CDAN1: variants seen among roughly 807,000 people sequenced by gnomAD.
CDAN1 encodes codanin-1.
Under a neutral mutation model 139.8 loss-of-function variants are expected in CDAN1, and 107 were observed. The ratio of observed to expected loss-of-function variants is 0.77; its 90% confidence interval spans 0.65 to 0.90. The LOEUF (loss-of-function observed/expected upper bound fraction) is 0.90. Ranked by LOEUF, CDAN1 falls within the 40% of genes least tolerant of loss-of-function variation. CDAN1 has a pLI of 0.00. For synonymous variants in CDAN1, 776 were observed against 660.6 expected (o/e 1.17, Z -2.68); for missense variants, 1,667 against 1,575.7 (o/e 1.06, Z -0.98).
chr15:42,730,201 G>T lies in CDAN1; in HGVS notation c.2189C>A (p.Ser730Ter). ...ACACATCTTCCCCTCACTCTCCTGC[G>T]ACAACACCAAGCTCCTGAAACATCA... ...LLRLHRSLVLSQESEGKMCFL... is the reference protein window; with the variant it reads ...LLRLHRSLVL Residue 730 changes from serine (S) to a stop codon, truncating the protein, a stop_gained, in exon 15 of 28, where the codon TCG (serine) becomes TAG (stop). Coordinates refer to ENST00000356231, the MANE Select transcript of CDAN1 (RefSeq NM_138477.4). LOFTEE classifies it high-confidence loss of function. The T allele has an allele frequency of 8.7e-6, 14 of 1,614,056 alleles. No individual in the cohort carries two copies. Among genetic ancestry groups the T allele is most frequent in the Non-Finnish European group, 1.2e-5 (14 of 1,179,970 alleles).
rs1210569517 is a variant in CDAN1, at chr15:42,728,208, G to A, written c.2864C>T (p.Ala955Val). The change falls in exon 21 of 28, where the codon GCA (alanine) becomes GTA (valine). Residue 955 changes from alanine to valine, a missense_variant. Ala to Val is a moderately conservative substitution (Grantham distance 64). Around this residue, in one of 3 missense-constraint regions of CDAN1, gnomAD observed 936 missense variants for 844.1 expected, o/e 1.11. Coordinates refer to ENST00000356231, the MANE Select transcript of CDAN1 (RefSeq NM_138477.4). ...VRALLPEETP[A>V]AVLSSAENIA... is the part of the protein sequence containing the mutation. ...GCAGGCCTCCCTCACACGTACGGCT[G>A]CCGGGGTCTCCTCTGGAAGCAGCGC... 2.5e-6 allele frequency: 4 copies of A among 1,613,588 alleles called. No homozygotes were observed. Among genetic ancestry groups the A allele is most frequent in the Non-Finnish European group, 3.4e-6 (4 of 1,179,924 alleles).
At position 42,729,969 on chromosome 15, in the gene CDAN1, C is replaced by T. The variant is rs17774416; in HGVS notation, c.2263-84G>A. On this transcript the variant is annotated intron_variant, in intron 15 of 27. Coordinates refer to ENST00000356231, the MANE Select transcript of CDAN1 (RefSeq NM_138477.4). ...CTCCTGCACGGTCCCAGGGTGTAGG[C>T]GCCAGCTTCAAAGCAGCCACCTCTG... 4.7e-3 allele frequency: 4,121 copies of T among 876,462 alleles called. 33 individuals carry two copies. The highest frequency in any genetic ancestry group is 0.018 in the South Asian group (1,332 of 73,398). 54.3% of individuals were successfully genotyped at this position (876,462 alleles called of 1,614,324 possible).
At chr15:42,728,092 C>G (rs112759032) in intron 21 of CDAN1, 59 bp from the exon 22 acceptor site, 265 of 1,592,968 alleles carry the variant, frequency 1.7e-4, no homozygotes, top group Non-Finnish European at 2.2e-4. Context: ...ACAAAGGATG[C>G]CAGAGTCGAG....
At position 42,725,667 on chromosome 15, in the gene CDAN1, G is replaced by C. The variant is rs2061516604; in HGVS notation, c.3272C>G (p.Ala1091Gly). The C allele has an allele frequency of 1.2e-6, 2 of 1,614,016 alleles. No individual in the cohort carries two copies. The highest frequency in any genetic ancestry group is 1.7e-6 in the Non-Finnish European group (2 of 1,179,980). The change falls in exon 26 of 28, where the codon GCA becomes GGA. Residue 1091 changes from alanine (A) to glycine (G), a missense_variant. By Grantham distance (60) the Ala-to-Gly change is moderately conservative. Coordinates refer to ENST00000356231, the MANE Select transcript of CDAN1 (RefSeq NM_138477.4). ...GGGCCCTAGGATAGGAATTTGATCT[G>C]CAACTGTGGAAAGAGGAAAGCCAAG... ...CSVELASLLVADQIPILGPPA... is the reference protein window; with the variant it reads ...CSVELASLLVGDQIPILGPPA...
At chr15:42,732,226 G>C (rs934861150) in intron 10 of CDAN1, 107 bp downstream of exon 10, 1 of 1,085,196 alleles carries the variant, frequency 9.2e-7, no homozygotes, top group Middle Eastern at 2.0e-4. Context: ...TCAAATTCCA[G>C]CCCAGGACCT....
Position 42,729,090 on chromosome 15 carries a change from G to A in CDAN1, c.2578C>T (p.Pro860Ser). Residue 860 changes from proline (P) to serine (S), a missense_variant, in exon 19 of 28, where the codon CCC becomes TCC. Coordinates refer to ENST00000356231, the MANE Select transcript of CDAN1 (RefSeq NM_138477.4). ...LAQAFFHNQP[P>S]SLRRTVEFVA... ...AACTCTACGGTCCGGCGCAAGGAGG[G>A]CGGCTGGTTGTGGAAAAAGGCCTGG... is the stretch of plus-strand genomic sequence containing the variant. 6.2e-7 allele frequency: 1 copy of A among 1,614,234 alleles called. No individual in the cohort carries two copies. Among genetic ancestry groups the A allele is most frequent in the Non-Finnish European group, 8.5e-7 (1 of 1,180,054 alleles).
chr15:42,737,099 C>A lies in CDAN1; in HGVS notation c.4G>T (p.Ala2Ser). Reference sequence around the variant, plus strand: ...CGCAGCAGCGACTCCAAAACGGCCGCCATCCCGGTCGGGGCGCTCTGGGGC... The same window carrying A: ...CGCAGCAGCGACTCCAAAACGGCCGACATCCCGGTCGGGGCGCTCTGGGGC... M[A>S]AVLESLLREE... Residue 2 changes from alanine (A) to serine (S), a missense_variant, in exon 1 of 28, where the codon GCG becomes TCG. Around this residue, in one of 3 missense-constraint regions of CDAN1, gnomAD observed 487 missense variants for 422.2 expected, o/e 1.15. Transcript: ENST00000356231. 2 of 1,515,754 alleles carry A rather than the reference C, an allele frequency of 1.3e-6. No homozygotes were observed. The highest frequency in any genetic ancestry group is 1.8e-6 in the Non-Finnish European group (2 of 1,130,646). 93.9% of individuals were successfully genotyped at this position (1,515,754 alleles called of 1,614,324 possible). A position where few individuals can be genotyped will look rare whatever the true frequency, so the allele number is the denominator to read the frequency against.
chr15:42,736,667 C>T lies in CDAN1; in HGVS notation c.204G>A (p.Gly68=). 6.5e-7 allele frequency: 1 copy of T among 1,542,466 alleles called. No homozygotes were observed. The highest frequency in any genetic ancestry group is 8.7e-7 in the Non-Finnish European group (1 of 1,146,434). ...CCGGGGTCTTGGCGGGGGTCGGGGG[C>T]CCCTGCGGGAGGACGCGGCTGCTCT... The part of the protein sequence containing the change: ...REQSSRVLPQ[G]PPTPAKTPGA... The change falls in exon 2 of 28, where the codon GGG becomes GGA. Residue 68 remains glycine, a synonymous_variant. Transcript: ENST00000356231.
Position 42,725,537 on chromosome 15 carries a change from C to T in CDAN1, c.3402G>A (p.Leu1134=), listed in dbSNP as rs1265754570. The part of the protein sequence containing the change: ...DFQGPVPLQL[L]LSPRNVGLLA... ...GAAGCCCCACATTTCTTGGGCTCAG[C>T]AGCAGCTGCAGCGGAACCGGCCCCT... Residue 1134 remains leucine (L), a synonymous_variant, in exon 26 of 28, where the codon CTG becomes CTA. Transcript: ENST00000356231. 1 of 1,614,194 alleles carries T rather than the reference C, an allele frequency of 6.2e-7. No individual in the cohort carries two copies. The highest frequency in any genetic ancestry group is 8.5e-7 in the Non-Finnish European group (1 of 1,180,024).
chr15:42,733,278 C>CTTTT, intron 8 of CDAN1, 92 bp from the exon 9 acceptor site: 4 of 838,288 alleles, frequency 4.8e-6, no homozygotes, highest in Non-Finnish European at 7.7e-6. Context: ...CACCCACCAC[C>CTTTT]TTTTTTTTTT....
Position 42,730,986 on chromosome 15 carries a change from C to T in CDAN1, c.1946G>A (p.Arg649Gln), listed in dbSNP as rs372115925. The change falls in exon 13 of 28, where the codon CGG (arginine) becomes CAG (glutamine). Residue 649 changes from arginine (R) to glutamine (Q), a missense_variant. Transcript: ENST00000356231. The part of the protein sequence containing the change: ...FLGFVAFLPY[R>Q]GPEPPPTGEL... ...ACCGGTCGGGGGAGGTTCAGGCCCC[C>T]GGTATGGCAGGAAAGCCACAAAGCC... 2.5e-5 allele frequency: 41 copies of T among 1,614,126 alleles called. No homozygotes were observed. Among genetic ancestry groups the T allele is most frequent in the Non-Finnish European group, 2.8e-5 (33 of 1,180,028 alleles).
intron 14 of CDAN1, among the ~76,000 whole-genome samples, 189 bp downstream of exon 14, chr15:42,730,409 G>C (rs959378101): frequency 8.5e-5 from 13 of 152,342 alleles, no homozygotes; most frequent in Admixed American, 5.2e-4. Context: ...AACAGCATGA[G>C]GCCAATGAAA....
In CDAN1 at chr15:42,737,039, T is replaced by G; in HGVS notation, c.64A>C (p.Ile22Leu). Residue 22 changes from isoleucine to leucine, a missense_variant, in exon 1 of 28, where the codon ATC becomes CTC. Physicochemically the swap from Ile to Leu is conservative, Grantham distance 5. Transcript: ENST00000356231. ...TCCGAACCCTGGGTGCTGCGCGCGA[T>G]CCACCGCACGACGGCTGCGACCGAC... ...EVSVAAVVRWIARSTQGSEDN... is the reference protein window; with the variant it reads ...EVSVAAVVRWLARSTQGSEDN... The G allele has an allele frequency of 6.5e-7, 1 of 1,536,184 alleles. No homozygotes were observed. Among genetic ancestry groups the G allele is most frequent in the Non-Finnish European group, 8.8e-7 (1 of 1,138,810 alleles).
chr15:42,729,658 T>TC (rs1349046355), intron 16 of CDAN1, 36 bp from the exon 17 acceptor site: 2 of 1,610,764 alleles, frequency 1.2e-6, no homozygotes, highest in Middle Eastern at 1.7e-4. Flanking sequence ...AGACTGCCCC[T>TC]CCCCCAGCGC....
In CDAN1 at chr15:42,731,152, A is replaced by G. The variant is rs1055622600; in HGVS notation, c.1860+59T>C. 15 of 1,614,062 alleles carry G rather than the reference A, an allele frequency of 9.3e-6. No individual in the cohort carries two copies. In the African/African-American group the frequency reaches 2.0e-4, roughly 22 times the overall value. On this transcript the variant is annotated intron_variant, in intron 12 of 27. Coordinates refer to ENST00000356231, the MANE Select transcript of CDAN1 (RefSeq NM_138477.4). The stretch of plus-strand genomic sequence containing the variant: ...CCGATCTGTTATAAAGTTTTTCTTG[A>G]ACATACTCCCTTCCCTCCTGGGTCA...
In CDAN1 at chr15:42,730,188, C is replaced by G; in HGVS notation, c.2202G>C (p.Glu734Asp). The G allele has an allele frequency of 6.2e-7, 1 of 1,614,208 alleles. No individual in the cohort carries two copies. The highest frequency in any genetic ancestry group is 8.5e-7 in the Non-Finnish European group (1 of 1,180,040). The change falls in exon 15 of 28, where the codon GAG (glutamate) becomes GAC (aspartate). Residue 734 changes from glutamate (E) to aspartate (D), a missense_variant. Coordinates refer to ENST00000356231, the MANE Select transcript of CDAN1 (RefSeq NM_138477.4). ...HRSLVLSQESEGKMCFLNKLL... is the reference protein window; with the variant it reads ...HRSLVLSQESDGKMCFLNKLL... ...GCTTGTTCAGGAAACACATCTTCCC[C>G]TCACTCTCCTGCGACAACACCAAGC...
Position 42,736,652 on chromosome 15 carries a change from G to A in CDAN1, c.219C>T (p.Ala73=). ...RVLPQGPPTP[A]KTPGASAALP... ...AGGCTGCCGAGGCGCCCGGGGTCTT[G>A]GCGGGGGTCGGGGGCCCCTGCGGGA... Residue 73 remains alanine (A), a synonymous_variant, in exon 2 of 28, where the codon GCC becomes GCT. Transcript: ENST00000356231. The A allele has an allele frequency of 6.5e-7, 1 of 1,531,916 alleles. No individual in the cohort carries two copies. Among genetic ancestry groups the A allele is most frequent in the Non-Finnish European group, 8.8e-7 (1 of 1,140,438 alleles). The allele number at this position is 1,531,916 out of a possible 1,614,324, so 94.9% of individuals were successfully genotyped here. A position where few individuals can be genotyped will look rare whatever the true frequency, so the allele number is the denominator to read the frequency against.
chr15:42,732,274 A>G, intron 10 of CDAN1, 59 bp downstream of exon 10: 2 of 1,507,902 alleles, frequency 1.3e-6, no homozygotes, highest in Non-Finnish European at 1.8e-6. Context: ...GCAGCCGTTA[A>G]GTGGCTGCCT....
At chr15:42,731,470 G>T in intron 11 of CDAN1, 139 bp from the exon 12 acceptor site, 2 of 1,426,364 alleles carry the variant, frequency 1.4e-6, no homozygotes, top group South Asian at 1.2e-5. Flanking sequence ...CCACGTGGGT[G>T]ACAGAATGAG....
Sources: gnomAD v4.1 joint callset for allele counts (sites outside exome capture counted in the v4.1 genomes callset) on GRCh38, gnomAD v4.1.1 for gene constraint, gnomAD v4.1.1 regional missense constraint, MANE v1.5 for transcripts, NCBI Gene and HGNC (gene_info 2026-07-23, HGNC 2026-07-21) for gene names.